The following SENP7 variants were observed in gnomAD, a reference collection of about 807,000 sequenced individuals.
SENP7 encodes sentrin-specific protease 7.
Under a neutral mutation model 141.2 loss-of-function variants are expected in SENP7, and 64 were observed. That is an observed-to-expected ratio of 0.45 (90% CI 0.37 to 0.56). The LOEUF (loss-of-function observed/expected upper bound fraction) is 0.56. SENP7 is among the 20% of genes least tolerant of loss of function. The pLI is 0.00. For synonymous variants in SENP7, 382 were observed against 426.4 expected, an observed-to-expected ratio of 0.90 and a Z score of 1.28; for missense variants, 1,025 against 1,212.2, an observed-to-expected ratio of 0.85 and a Z score of 2.29.
chr3:101,436,689 T>C (rs563865002), intron 4 of SENP7, among the ~76,000 whole-genome samples: 9 of 152,284 alleles, frequency 5.9e-5, no homozygotes, highest in South Asian at 4.1e-4. Flanking sequence ...TTCAACATCA[T>C]TGATCATCAG....
chr3:101,434,306 T>C (rs9832452), intron 4 of SENP7, among the ~76,000 whole-genome samples: 59,981 of 151,304 alleles, frequency 0.4, 12,339 homozygotes, highest in Admixed American at 0.53. Context: ...AAGTTTATAG[T>C]TTTAAATGCA....
chr3:101,484,479 C>A (rs2064637796), intron 3 of SENP7, among the ~76,000 whole-genome samples: 1 of 152,124 alleles, frequency 6.6e-6, no homozygotes. Flanking sequence ...AACCAGCAAT[C>A]CCGAGAGGGC....
chr3:101,486,555 C>G (rs1335864741), intron 3 of SENP7, among the ~76,000 whole-genome samples: 2 of 152,094 alleles, frequency 1.3e-5, no homozygotes, highest in Admixed American at 1.3e-4. Flanking sequence ...CAAGCAAACG[C>G]TGAGAAAATT....
chr3:101,511,889 G>A (rs191093759), intron 1 of SENP7, among the ~76,000 whole-genome samples: 295 of 152,096 alleles, frequency 1.9e-3, no homozygotes, highest in African/African-American at 6.9e-3. Flanking sequence ...GTGCGATCTC[G>A]GCTCACTGCA....
intron 3 of SENP7, among the ~76,000 whole-genome samples, chr3:101,493,668 T>A (rs2065047702): frequency 6.6e-6 from 1 of 152,178 alleles, no homozygotes; most frequent in Non-Finnish European, 1.5e-5. Context: ...CAATTATGCA[T>A]AATTATATAT....
intron 17 of SENP7, among the ~76,000 whole-genome samples, chr3:101,335,197 T>C (rs2107142873): frequency 6.6e-6 from 1 of 152,146 alleles, no homozygotes; most frequent in East Asian, 1.9e-4. Context: ...GGAAATGAGG[T>C]AGGTTGAACT....
chr3:101,386,514 G>A (rs1182789650), intron 6 of SENP7, among the ~76,000 whole-genome samples: 4 of 152,090 alleles, frequency 2.6e-5, no homozygotes, highest in Non-Finnish European at 5.9e-5. Flanking sequence ...ACCAACAGAC[G>A]ACATCATGCC....
chr3:101,513,070 C>A, intron 1 of SENP7, 21 bp downstream of exon 1: 1 of 1,613,112 alleles, frequency 6.2e-7, no homozygotes, highest in Non-Finnish European at 8.5e-7. Flanking sequence ...TATGTTCAGC[C>A]CTTCTCTGAC....
At position 101,513,173 on chromosome 3, in the gene SENP7, C is replaced by A; in HGVS notation, c.-43G>T. On this transcript the variant is annotated 5_prime_UTR_variant, in exon 1 of 24. Coordinates refer to ENST00000394095, the MANE Select transcript of SENP7 (RefSeq NM_020654.5). ...ATTTCAGTTGCAGGCGCTGTCACCT[C>A]AGGACCCCTCCGGCTTGGAGAGGGA... is the stretch of plus-strand genomic sequence containing the variant. 6.5e-7 allele frequency: 1 copy of A among 1,533,248 alleles called. No homozygotes were observed. The highest frequency in any genetic ancestry group is 8.9e-7 in the Non-Finnish European group (1 of 1,119,722). 95.0% of individuals were successfully genotyped at this position (1,533,248 alleles called of 1,614,324 possible).
At position 101,340,891 on chromosome 3, in the gene SENP7, C is replaced by T. The variant is rs534216880; in HGVS notation, c.2241-680G>A. ...TAGAAATAAGACCAGTTGTGAATTC[C>T]GGGCTATAATCTTGGAATAGGTAGA... On this transcript the variant is annotated intron_variant, in intron 15 of 23. Coordinates refer to ENST00000394095, the MANE Select transcript of SENP7 (RefSeq NM_020654.5). Among the ~76,000 whole-genome samples, 17 of 152,212 alleles carry T rather than the reference C, an allele frequency of 1.1e-4. No homozygotes were observed. The East Asian group carries it at 2.7e-3, about 24-fold the overall frequency.
intron 6 of SENP7, among the ~76,000 whole-genome samples, chr3:101,392,565 T>A (rs2060845882): frequency 6.6e-6 from 1 of 152,116 alleles, no homozygotes. Flanking sequence ...TGGAAAGATA[T>A]CCCAAGCTCA....
At chr3:101,484,523 G>A (rs1024946071) in intron 3 of SENP7, among the ~76,000 whole-genome samples, 8 of 152,254 alleles carry the variant, frequency 5.3e-5, no homozygotes, top group African/African-American at 1.9e-4. Flanking sequence ...GACTGCTCCT[G>A]CAGGACCCAG....
At chr3:101,438,594 TAAA>T (rs140408503) in intron 4 of SENP7, among the ~76,000 whole-genome samples, 1 of 152,104 alleles carries the variant, frequency 6.6e-6, no homozygotes, top group Non-Finnish European at 1.5e-5. Context: ...TTTACTACAA[TAAA>T]AAAACTTTAG....
At chr3:101,333,869 G>T (rs2107132737) in intron 17 of SENP7, among the ~76,000 whole-genome samples, 1 of 152,246 alleles carries the variant, frequency 6.6e-6, no homozygotes, top group Middle Eastern at 3.4e-3. Context: ...CAACCTTTTT[G>T]GCACCAGGGA....
chr3:101,327,176 A>C (rs1347837055), intron 23 of SENP7, among the ~76,000 whole-genome samples: 1 of 151,700 alleles, frequency 6.6e-6, no homozygotes, highest in Non-Finnish European at 1.5e-5. Flanking sequence ...CTTTCTCTTT[A>C]AAAAAAATCT....
intron 3 of SENP7, among the ~76,000 whole-genome samples, chr3:101,482,685 A>G (rs760550622): frequency 7.2e-5 from 11 of 152,126 alleles, no homozygotes; most frequent in Non-Finnish European, 1.6e-4. Context: ...TAATCAAGAG[A>G]GTGTGGTATG....
intron 4 of SENP7, among the ~76,000 whole-genome samples, chr3:101,446,402 T>C (rs750708601): frequency 5.3e-5 from 8 of 152,232 alleles, no homozygotes; most frequent in Non-Finnish European, 8.8e-5. Flanking sequence ...TAATCTGCAC[T>C]ATAGACCTAA....
At chr3:101,491,810 G>T (rs2064976256) in intron 3 of SENP7, among the ~76,000 whole-genome samples, 1 of 152,190 alleles carries the variant, frequency 6.6e-6, no homozygotes, top group African/African-American at 2.4e-5. Context: ...GTTAATAGGA[G>T]GTCGGGCACG....
intron 5 of SENP7, among the ~76,000 whole-genome samples, chr3:101,411,292 A>G (rs2061450570): frequency 6.6e-6 from 1 of 152,212 alleles, no homozygotes; most frequent in East Asian, 1.9e-4. Context: ...GTCTTGCTCA[A>G]AGCTATAAAC....
Sources: gnomAD v4.1 joint callset for allele counts (sites outside exome capture counted in the v4.1 genomes callset) on GRCh38, gnomAD v4.1.1 for gene constraint, MANE v1.5 for transcripts, NCBI Gene and HGNC (gene_info 2026-07-23, HGNC 2026-07-21) for gene names.